The following MAPK8 variants were observed in gnomAD, a reference collection of about 807,000 sequenced individuals.
The protein encoded by MAPK8 is mitogen-activated protein kinase 8.
MAPK8 carries 13 observed loss-of-function variants against 52.9 expected under a neutral mutation model. The ratio of observed to expected loss-of-function variants is 0.25; its 90% confidence interval spans 0.16 to 0.39. The LOEUF is 0.39. MAPK8 is among the 10% of genes least tolerant of loss of function. The probability of loss-of-function intolerance (pLI) is 1.00; values close to 1 mark genes in which losing one functional copy is unlikely to be tolerated. For synonymous variants in MAPK8, 191 were observed against 169.8 expected (o/e 1.12, Z -0.97); for missense variants, 300 against 519.2 (o/e 0.58, Z 4.10).
At chr10:48,307,345 G>T (rs1172788771) in intron 1 of MAPK8, among the ~76,000 whole-genome samples, 1 of 152,216 alleles carries the variant, frequency 6.6e-6, no homozygotes, top group Non-Finnish European at 1.5e-5. Context: ...CTGGGCGAAC[G>T]CAGGCAGCAG....
chr10:48,333,647 C>T (rs1053188987), intron 1 of MAPK8, among the ~76,000 whole-genome samples: 5 of 144,792 alleles, frequency 3.5e-5, no homozygotes, highest in Non-Finnish European at 7.7e-5. Flanking sequence ...CTTCTAATAA[C>T]TTGACCGGCC....
chr10:48,412,253 AC>A (rs1378962692), intron 5 of MAPK8, among the ~76,000 whole-genome samples: 1 of 152,092 alleles, frequency 6.6e-6, no homozygotes, highest in Non-Finnish European at 1.5e-5. Context: ...TGACAAATGC[AC>A]CTCTCTTGCT....
chr10:48,393,777 A>G (rs1204478903), intron 1 of MAPK8, among the ~76,000 whole-genome samples: 1 of 152,108 alleles, frequency 6.6e-6, no homozygotes, highest in Non-Finnish European at 1.5e-5. Flanking sequence ...GCATTTTAAG[A>G]AACTAAAAGA....
At chr10:48,386,717 A>G (rs2041333950) in intron 1 of MAPK8, among the ~76,000 whole-genome samples, 1 of 152,190 alleles carries the variant, frequency 6.6e-6, no homozygotes, top group Non-Finnish European at 1.5e-5. Context: ...TAATCCCATT[A>G]CTTTCGGAGG....
At chr10:48,409,323 T>C (rs1259181959) in intron 3 of MAPK8, among the ~76,000 whole-genome samples, 1 of 152,210 alleles carries the variant, frequency 6.6e-6, no homozygotes, top group East Asian at 1.9e-4. Context: ...GAGGGCACAC[T>C]GGAAAAGTAA....
Position 48,437,542 on chromosome 10 carries a change from T to G in MAPK8, c.*2513T>G, listed in dbSNP as rs1235405781. On this transcript the variant is annotated 3_prime_UTR_variant, in exon 12 of 12. Coordinates refer to ENST00000374189, the MANE Select transcript of MAPK8 (RefSeq NM_001323329.2). ...TAGATTCAGAAAGAGATGCTAATTCTGTACCAATGTCTTCCTGGTTACTAT... is the reference window on the plus strand; with the variant it reads ...TAGATTCAGAAAGAGATGCTAATTCGGTACCAATGTCTTCCTGGTTACTAT... The G allele has an allele frequency of 6.6e-6, 1 of 152,248 alleles. No homozygotes were observed. The highest frequency in any genetic ancestry group is 1.5e-5 in the Non-Finnish European group (1 of 68,040). 9.4% of individuals were successfully genotyped at this position (152,248 alleles called of 1,614,324 possible).
At chr10:48,402,329 TA>T (rs2042202592) in intron 2 of MAPK8, among the ~76,000 whole-genome samples, 1 of 152,210 alleles carries the variant, frequency 6.6e-6, no homozygotes, top group African/African-American at 2.4e-5. Flanking sequence ...TTCCCATAGA[TA>T]ATTGTTTAAT....
rs772091449 is a variant in MAPK8, at chr10:48,431,281, A to G, written c.1138+11A>G. 31 of 1,593,672 alleles carry G rather than the reference A, an allele frequency of 1.9e-5. No homozygotes were observed. The highest frequency in any genetic ancestry group is 2.3e-5 in the Non-Finnish European group (27 of 1,163,922). On this transcript the variant is annotated intron_variant, in intron 11 of 11. Coordinates refer to ENST00000374189, the MANE Select transcript of MAPK8 (RefSeq NM_001323329.2). Reference sequence around the variant, plus strand: ...AGCCCTCTCCTTTAGGTTGGTTACAATATAAGCTTGGTTAAGATTACAGTT... The same window carrying G: ...AGCCCTCTCCTTTAGGTTGGTTACAGTATAAGCTTGGTTAAGATTACAGTT...
At chr10:48,425,746 G>T in intron 7 of MAPK8, 142 bp from the exon 8 acceptor site, 1 of 483,918 alleles carries the variant, frequency 2.1e-6, no homozygotes, top group Non-Finnish European at 3.6e-6. Flanking sequence ...ATTGCCTTTT[G>T]CAGGGTGCCT....
intron 1 of MAPK8, among the ~76,000 whole-genome samples, chr10:48,318,675 A>T (rs555910781): frequency 5.3e-5 from 8 of 152,328 alleles, no homozygotes; most frequent in South Asian, 4.1e-4. Flanking sequence ...GAGGAGGCCA[A>T]TGAGTTAAAG....
At chr10:48,343,579 C>A (rs528736061) in intron 1 of MAPK8, among the ~76,000 whole-genome samples, 12 of 152,180 alleles carry the variant, frequency 7.9e-5, no homozygotes, top group African/African-American at 4.8e-5. Context: ...AATTGATCAG[C>A]AATGTCAGGT....
chr10:48,401,959 T>TTTA (rs1308106499), intron 2 of MAPK8, among the ~76,000 whole-genome samples, 177 bp downstream of exon 2: 1 of 152,200 alleles, frequency 6.6e-6, no homozygotes, highest in Admixed American at 6.5e-5. Flanking sequence ...TGGTCTTTTC[T>TTTA]TTATTATTAT....
intron 1 of MAPK8, among the ~76,000 whole-genome samples, chr10:48,398,682 A>G (rs1428107001): frequency 6.6e-6 from 1 of 152,246 alleles, no homozygotes; most frequent in African/African-American, 2.4e-5. Context: ...GTACGTCCAC[A>G]CAATGAAATT....
At chr10:48,312,663 C>A (rs1348964283) in intron 1 of MAPK8, among the ~76,000 whole-genome samples, 3 of 152,132 alleles carry the variant, frequency 2.0e-5, no homozygotes, top group Non-Finnish European at 4.4e-5. Context: ...ATTGGGTCAA[C>A]CAAAGGTAAG....
chr10:48,418,671 T>G (rs956934701), intron 5 of MAPK8, among the ~76,000 whole-genome samples: 5 of 152,222 alleles, frequency 3.3e-5, no homozygotes, highest in African/African-American at 1.2e-4. Context: ...TTCCACTGCC[T>G]GCATAAATTC....
rs1388622085 is a variant in MAPK8 at position 48,306,678 on chromosome 10, T to C, written c.-193T>C. The C allele has an allele frequency of 1.3e-5, 2 of 150,880 alleles. No individual in the cohort carries two copies. The highest frequency in any genetic ancestry group is 4.9e-5 in the African/African-American group (2 of 41,222). The allele number at this position is 150,880 out of a possible 1,614,324, so 9.3% of individuals were successfully genotyped here. The stretch of plus-strand genomic sequence containing the variant: ...TGCGCGGTGACGGCCCGCGTCTCTG[T>C]TACTCAGCCGAGCGGCCGAGGCCGG... On this transcript the variant is annotated 5_prime_UTR_variant, in exon 1 of 12. Transcript: ENST00000374189.
At chr10:48,339,790 A>C (rs1233396983) in intron 1 of MAPK8, among the ~76,000 whole-genome samples, 1 of 152,208 alleles carries the variant, frequency 6.6e-6, no homozygotes, top group Non-Finnish European at 1.5e-5. Context: ...GTGGCGAAAA[A>C]AGGTGAAATA....
intron 9 of MAPK8, chr10:48,426,720 C>G (rs1250404088): frequency 3.8e-6 from 2 of 530,314 alleles, no homozygotes; most frequent in Non-Finnish European, 3.2e-6. Flanking sequence ...TTTTTGCAAT[C>G]TTGCCTGGAT....
At chr10:48,359,835 C>T (rs750279221) in intron 1 of MAPK8, among the ~76,000 whole-genome samples, 1 of 152,168 alleles carries the variant, frequency 6.6e-6, no homozygotes, top group East Asian at 1.9e-4. Context: ...AGCATATTAT[C>T]CATGATTTTA....
Sources: gnomAD v4.1 joint callset for allele counts (sites outside exome capture counted in the v4.1 genomes callset) on GRCh38, gnomAD v4.1.1 for gene constraint, MANE v1.5 for transcripts, NCBI Gene and HGNC (gene_info 2026-07-23, HGNC 2026-07-21) for gene names.